Variants in ATG7 observed in about 807,000 individuals in gnomAD.
ATG7 encodes the protein ubiquitin-like modifier-activating enzyme ATG7.
In ATG7, 70 loss-of-function variants were observed where a neutral mutation model predicts 82.4. The ratio of observed to expected loss-of-function variants is 0.85; its 90% CI spans 0.70 to 1.04. The LOEUF is 1.04. ATG7 is among the 50% of genes least tolerant of loss of function. ATG7 has a pLI of 0.00. For synonymous variants in ATG7, 287 were observed against 313.0 expected (o/e 0.92, Z 0.88); for missense variants, 792 against 864.3 (o/e 0.92, Z 1.05).
At chr3:11,518,285 G>A (rs775930563) in intron 20 of ATG7, among the ~76,000 whole-genome samples, 11 of 152,184 alleles carry the variant, frequency 7.2e-5, no homozygotes, top group Non-Finnish European at 1.3e-4. Flanking sequence ...AGTGGCTCAC[G>A]CCTGTAATCC....
intron 20 of ATG7, among the ~76,000 whole-genome samples, chr3:11,433,997 T>C (rs2083144986): frequency 6.6e-6 from 1 of 152,184 alleles, no homozygotes; most frequent in Admixed American, 6.5e-5. Flanking sequence ...TTCTAGAAAA[T>C]GCCCATTTCT....
intron 13 of ATG7, among the ~76,000 whole-genome samples, chr3:11,343,110 G>C (rs1327679557): frequency 3.9e-5 from 6 of 152,022 alleles, no homozygotes. Flanking sequence ...TGTATTTTTA[G>C]TAGAGACGGG....
At chr3:11,472,445 C>A (rs982513937) in intron 20 of ATG7, among the ~76,000 whole-genome samples, 1 of 152,088 alleles carries the variant, frequency 6.6e-6, no homozygotes, top group East Asian at 1.9e-4. Context: ...GAAGGGGGAA[C>A]TGTAACTCTT....
chr3:11,565,016 G>A, the ATG7 span: 14,358 of 1,480,988 alleles, frequency 9.7e-3, 248 homozygotes, highest in East Asian at 0.083. This position sits in a 1 kb window ranked among gnomAD's most constrained non-coding sequence, Gnocchi z 4.1. Flanking sequence ...TGGCAGTCTT[G>A]TTCCTGAAAA....
intron 20 of ATG7, among the ~76,000 whole-genome samples, chr3:11,516,057 T>G (rs1395141692): frequency 6.7e-6 from 1 of 149,442 alleles, no homozygotes; most frequent in African/African-American, 2.5e-5. Flanking sequence ...CAAAAAAACA[T>G]AGGACATAGT....
Position 11,354,432 on chromosome 3 carries a change from G to A in ATG7, c.1285-3986G>A, listed in dbSNP as rs922195735. 4.6e-5 allele frequency among the ~76,000 whole-genome samples: 7 copies of A among 151,934 alleles called. 1 individual carries two copies. Among genetic ancestry groups the A allele is most frequent in the African/African-American group, 9.7e-5 (4 of 41,360 alleles). On this transcript the variant is annotated intron_variant, in intron 14 of 20. Coordinates refer to ENST00000693202, the MANE Select transcript of ATG7 (RefSeq NM_001349232.2). ...TGGGAGGCTGAGGCGGGTGGATCAC[G>A]AAGTCAAGAGATTGAGATCCATCCT...
At chr3:11,558,951 C>T, downstream of ATG7, 3 of 1,169,986 alleles carry the variant, frequency 2.6e-6, no homozygotes, top group Non-Finnish European at 2.4e-6. Context: ...GTGGGCTCTG[C>T]AGACAGAACC....
intron 19 of ATG7, among the ~76,000 whole-genome samples, chr3:11,413,056 A>T (rs2081058907): frequency 6.6e-6 from 1 of 152,132 alleles, no homozygotes; most frequent in Non-Finnish European, 1.5e-5. Flanking sequence ...GCTTTGCTGA[A>T]TTCAGTTTTT....
intron 11 of ATG7, among the ~76,000 whole-genome samples, chr3:11,333,362 A>G (rs557966268): frequency 2.0e-5 from 3 of 152,250 alleles, no homozygotes; most frequent in East Asian, 3.9e-4. Context: ...CCCGTTTTCA[A>G]TTTTACTTTT....
chr3:11,547,042 G>A (rs968611544), intron 20 of ATG7, among the ~76,000 whole-genome samples: 3 of 152,262 alleles, frequency 2.0e-5, no homozygotes, highest in African/African-American at 4.8e-5. Flanking sequence ...GGTGCTGGTG[G>A]GTGTGTGCTG....
Position 11,465,145 on chromosome 3 carries a change from G to T in ATG7, c.2079+38219G>T, listed in dbSNP as rs527952246. Reference sequence around the variant, plus strand: ...CACCTCCAGAGAGTTCTAGAGCTGAGTGAAAACCTGGTTTATTAAAATGAG... The same window carrying T: ...CACCTCCAGAGAGTTCTAGAGCTGATTGAAAACCTGGTTTATTAAAATGAG... On this transcript the variant is annotated intron_variant, in intron 20 of 20. Coordinates refer to ENST00000693202, the MANE Select transcript of ATG7 (RefSeq NM_001349232.2). Among the ~76,000 whole-genome samples, 13 of 151,834 alleles carry T rather than the reference G, an allele frequency of 8.6e-5. No individual in the cohort carries two copies. In the East Asian group the frequency reaches 2.5e-3, roughly 29 times the overall value.
At chr3:11,287,391 C>A (rs879351612) in intron 3 of ATG7, among the ~76,000 whole-genome samples, 4 of 152,134 alleles carry the variant, frequency 2.6e-5, no homozygotes, top group Non-Finnish European at 5.9e-5. Context: ...TGAGGGAGAA[C>A]AGGGAACACT....
the ATG7 span, among the ~76,000 whole-genome samples, chr3:11,571,514 T>G: frequency 6.6e-6 from 1 of 151,682 alleles, no homozygotes. Context: ...CAAAACCCCG[T>G]CTCTACAAAA....
At chr3:11,388,502 C>T (rs1022289897) in intron 19 of ATG7, among the ~76,000 whole-genome samples, 2 of 151,296 alleles carry the variant, frequency 1.3e-5, no homozygotes, top group African/African-American at 4.9e-5. Context: ...TATCTCAGCT[C>T]ACTGCAAGCT....
At chr3:11,560,600 G>A (rs113045407), downstream of ATG7, among the ~76,000 whole-genome samples, 193 of 152,358 alleles carry the variant, frequency 1.3e-3, 1 homozygote, top group African/African-American at 4.3e-3. Flanking sequence ...GTGGATTCTA[G>A]GATGAAAATG....
At chr3:11,494,787 G>C (rs1183609404) in intron 20 of ATG7, among the ~76,000 whole-genome samples, 1 of 152,130 alleles carries the variant, frequency 6.6e-6, no homozygotes, top group African/African-American at 2.4e-5. Context: ...GTAAAGGCTT[G>C]AACAGGCCAG....
intron 6 of ATG7, chr3:11,308,664 T>G: frequency 2.6e-6 from 1 of 387,648 alleles, no homozygotes; most frequent in Non-Finnish European, 4.8e-6. Context: ...GCCTGGTATA[T>G]AGTAGACAAT....
intron 20 of ATG7, among the ~76,000 whole-genome samples, chr3:11,433,709 C>G (rs556686182): frequency 1.1e-4 from 16 of 152,132 alleles, no homozygotes; most frequent in Non-Finnish European, 2.1e-4. Flanking sequence ...TTGCCTTGAC[C>G]ATATTGTCAG....
chr3:11,477,173 C>A, intron 20 of ATG7: 2 of 1,289,576 alleles, frequency 1.6e-6, no homozygotes, highest in Non-Finnish European at 2.0e-6. Context: ...GCAGGAGAGG[C>A]AGAACATAAA....
Sources: gnomAD v4.1 joint callset for allele counts (sites outside exome capture counted in the v4.1 genomes callset) on GRCh38, gnomAD v4.1.1 for gene constraint, Gnocchi (gnomAD v3.1) non-coding constraint, MANE v1.5 for transcripts, NCBI Gene and HGNC (gene_info 2026-07-23, HGNC 2026-07-21) for gene names.